C5orf34: variants seen among roughly 807,000 people sequenced by gnomAD.
C5orf34 encodes the protein chromosome 5 open reading frame 34, also known as uncharacterized protein C5orf34.
A neutral mutation model predicts 78.4 loss-of-function variants in C5orf34; 73 were observed. The observed-to-expected ratio is 0.93, with a 90% CI of 0.77 to 1.13. The LOEUF (loss-of-function observed/expected upper bound fraction) is 1.13, where lower values mean the gene tolerates loss of function less well. C5orf34 is among the 50% of genes most tolerant of loss of function. The probability of loss-of-function intolerance (pLI) is 0.00; values close to 1 mark genes in which losing one functional copy is unlikely to be tolerated. For synonymous variants in C5orf34, 251 were observed against 246.6 expected, an observed-to-expected ratio of 1.02 and a Z score of -0.17; for missense variants, 730 against 732.7, an observed-to-expected ratio of 1.00 and a Z score of 0.04.
In C5orf34 at chr5:43,493,222, T is replaced by A. The variant is rs536902871; in HGVS notation, c.1314+321A>T. ...TTCCTCCAAATCAGCATTAAGGAAT[T>A]TATTTTTACGGTTATGAAAATATAG... is the stretch of plus-strand genomic sequence containing the variant. On this transcript the variant is annotated intron_variant, in intron 8 of 12. Transcript: ENST00000306862. Among the ~76,000 whole-genome samples, 4 of 152,220 alleles carry A rather than the reference T, an allele frequency of 2.6e-5. No individual in the cohort carries two copies. The South Asian group carries it at 8.3e-4, about 32-fold the overall frequency.
intron 1 of C5orf34, chr5:43,510,996 G>T: frequency 4.7e-6 from 1 of 214,892 alleles, no homozygotes; most frequent in Non-Finnish European, 9.4e-6. Context: ...AGGAAGTGAG[G>T]AGCGTCTCTG....
chr5:43,490,728 A>G lies in C5orf34; in HGVS notation c.1582T>C (p.Tyr528His), dbSNP rs754319775. ...CACCATGATGTTACTGTTGTCACAT[A>G]TCTAAAGTGAATACATTAAAAGAAA... Reference protein sequence around the residue: ...QIEHPEPYERYVTTVTSWCRR... With the variant: ...QIEHPEPYERHVTTVTSWCRR... Residue 528 changes from tyrosine (Y) to histidine (H), a missense_variant and splice_region_variant, in exon 11 of 13, where the codon TAT becomes CAT. By Grantham distance (83) the Tyr-to-His change is moderately conservative. Coordinates refer to ENST00000306862, the MANE Select transcript of C5orf34 (RefSeq NM_198566.4). 10 of 1,518,244 alleles carry G rather than the reference A, an allele frequency of 6.6e-6. No individual in the cohort carries two copies. The South Asian group carries it at 1.0e-4, about 16-fold the overall frequency. 94.0% of individuals were successfully genotyped at this position (1,518,244 alleles called of 1,614,324 possible). A position where few individuals can be genotyped will look rare whatever the true frequency, so the allele number is the denominator to read the frequency against.
Position 43,491,740 on chromosome 5 carries a change from A to G in C5orf34, c.1580+475T>C, listed in dbSNP as rs1203935483. Reference sequence around the variant, plus strand: ...ACCTGAAGGCCGGGCATGGTGGCTCATGCCTGTAATCTCAGCACTTTGGGA... The same window carrying G: ...ACCTGAAGGCCGGGCATGGTGGCTCGTGCCTGTAATCTCAGCACTTTGGGA... On this transcript the variant is annotated intron_variant, in intron 10 of 12. Transcript: ENST00000306862. 3.3e-5 allele frequency among the ~76,000 whole-genome samples: 5 copies of G among 152,338 alleles called. No homozygotes were observed. In the East Asian group the frequency reaches 7.7e-4, roughly 24 times the overall value.
chr5:43,498,865 G>T (rs1170560424), intron 6 of C5orf34, among the ~76,000 whole-genome samples: 1 of 152,138 alleles, frequency 6.6e-6, no homozygotes, highest in African/African-American at 2.4e-5. Flanking sequence ...TAGTGATCTG[G>T]CTTCTTCTCT....
At position 43,515,016 on chromosome 5, in the gene C5orf34, T is replaced by G. The variant is rs1746427848; in HGVS notation, c.-247A>C. 1 of 152,070 alleles carries G rather than the reference T, an allele frequency of 6.6e-6. No homozygotes were observed. Among genetic ancestry groups the G allele is most frequent in the African/African-American group, 2.4e-5 (1 of 41,410 alleles). The allele number at this position is 152,070 out of a possible 1,614,324, so 9.4% of individuals were successfully genotyped here. On this transcript the variant is annotated 5_prime_UTR_variant, in exon 1 of 13. Coordinates refer to ENST00000306862, the MANE Select transcript of C5orf34 (RefSeq NM_198566.4). ...GAGGAATAAGGTGGCAGGGAGAGTG[T>G]TTTGGCCAAGATGCCCGCCACGAAA...
chr5:43,498,573 TC>T (rs1745638128), intron 6 of C5orf34, among the ~76,000 whole-genome samples: 1 of 152,196 alleles, frequency 6.6e-6, no homozygotes. Context: ...TAATTTGGCA[TC>T]CCTTTCAACT....
chr5:43,509,494 A>G, intron 1 of C5orf34, 119 bp from the exon 2 acceptor site: 3 of 585,570 alleles, frequency 5.1e-6, no homozygotes, highest in Non-Finnish European at 8.7e-6. Context: ...ACTTTTGTTA[A>G]GAATACTAAC....
At chr5:43,501,388 A>C (rs1745753692) in intron 6 of C5orf34, among the ~76,000 whole-genome samples, 1 of 152,082 alleles carries the variant, frequency 6.6e-6, no homozygotes, top group Admixed American at 6.6e-5. Flanking sequence ...ACTCTTCTTC[A>C]TCTTCATCCT....
chr5:43,502,601 A>C, intron 5 of C5orf34, 106 bp from the exon 6 acceptor site: 1 of 695,250 alleles, frequency 1.4e-6, no homozygotes, highest in Non-Finnish European at 2.5e-6. Context: ...GCAAAACAAC[A>C]CAGTCTTTTT....
intron 11 of C5orf34, among the ~76,000 whole-genome samples, chr5:43,489,903 C>T (rs1213786868): frequency 6.6e-6 from 1 of 152,046 alleles, no homozygotes; most frequent in African/African-American, 2.4e-5. Flanking sequence ...CTTCTAATGA[C>T]CTTTCTTCCT....
intron 4 of C5orf34, among the ~76,000 whole-genome samples, chr5:43,504,871 T>A (rs1745913672): frequency 6.6e-6 from 1 of 152,248 alleles, no homozygotes; most frequent in Non-Finnish European, 1.5e-5. Context: ...AACCAGATAA[T>A]CATGACAAGC....
intron 4 of C5orf34, chr5:43,505,437 C>T (rs1745939215): frequency 3.9e-6 from 1 of 255,304 alleles, no homozygotes; most frequent in Non-Finnish European, 7.4e-6. Flanking sequence ...CTTTAATAAT[C>T]TTTTTAGGTA....
intron 4 of C5orf34, among the ~76,000 whole-genome samples, chr5:43,504,264 G>A (rs189888808): frequency 0.012 from 1,841 of 149,936 alleles, 40 homozygotes; most frequent in African/African-American, 0.044. Flanking sequence ...CTGAGATCGC[G>A]CCAGCCTGGG....
rs1226626728 is a variant in C5orf34 at position 43,486,845 on chromosome 5, A to G, written c.*70T>C. 1.4e-5 allele frequency: 12 copies of G among 874,094 alleles called. No individual in the cohort carries two copies. Among genetic ancestry groups the G allele is most frequent in the Admixed American group, 9.8e-5 (3 of 30,474 alleles). 54.1% of individuals were successfully genotyped at this position (874,094 alleles called of 1,614,324 possible). A position where few individuals can be genotyped will look rare whatever the true frequency, so the allele number is the denominator to read the frequency against. Reference sequence around the variant, plus strand: ...AATACGTACAATATCTTGGCTTACTAGTAATTTTATACCAGTCACTTGAAA... The same window carrying G: ...AATACGTACAATATCTTGGCTTACTGGTAATTTTATACCAGTCACTTGAAA... On this transcript the variant is annotated 3_prime_UTR_variant, in exon 13 of 13. Transcript: ENST00000306862.
At position 43,502,470 on chromosome 5, in the gene C5orf34, T is replaced by C. The variant is rs780943767; in HGVS notation, c.1054A>G (p.Ile352Val). 3.8e-6 allele frequency: 6 copies of C among 1,574,872 alleles called. 1 individual carries two copies. Among genetic ancestry groups the C allele is most frequent in the South Asian group, 3.4e-5 (3 of 87,252 alleles). ...YRLTHQNMNS[I>V]EIYSGDGSVF... ...GATCCATCCCCAGAATAAATCTCTA[T>C]TGAGTTCATATTTTGATGGGTAAGT... is the stretch of plus-strand genomic sequence containing the variant. Residue 352 changes from isoleucine (I) to valine (V), a missense_variant, in exon 6 of 13, where the codon ATA becomes GTA. Coordinates refer to ENST00000306862, the MANE Select transcript of C5orf34 (RefSeq NM_198566.4).
rs150425555 is a variant in C5orf34 at position 43,509,913 on chromosome 5, G to A, written c.-36-538C>T. On this transcript the variant is annotated intron_variant, in intron 1 of 12. Transcript: ENST00000306862. Reference sequence around the variant, plus strand: ...TGGGATTACAGGTGTGTGCCACCATGCCTGGCTAATTTTTGTAATTTAGTA... The same window carrying A: ...TGGGATTACAGGTGTGTGCCACCATACCTGGCTAATTTTTGTAATTTAGTA... 8.2e-4 allele frequency among the ~76,000 whole-genome samples: 124 copies of A among 152,012 alleles called. 1 individual carries two copies. In the East Asian group the frequency reaches 0.019, roughly 23 times the overall value.
chr5:43,490,368 A>G (rs896868955), intron 11 of C5orf34: 3 of 250,704 alleles, frequency 1.2e-5, no homozygotes, highest in Non-Finnish European at 2.3e-5. Context: ...TCACATAAAA[A>G]GAGCCACTCA....
rs192286240 is a variant in C5orf34, at chr5:43,507,246, G to A, written c.286-852C>T. Among the ~76,000 whole-genome samples, 275 of 152,326 alleles carry A rather than the reference G, an allele frequency of 1.8e-3. 1 individual carries two copies. Among genetic ancestry groups the A allele is most frequent in the Middle Eastern group, 0.01 (3 of 294 alleles). On this transcript the variant is annotated intron_variant, in intron 3 of 12. Transcript: ENST00000306862. Reference sequence around the variant, plus strand: ...ATAAGATATAAACAGTAGATATTGCGTGAGAGGTTTTTACTGAATTAATTT... The same window carrying A: ...ATAAGATATAAACAGTAGATATTGCATGAGAGGTTTTTACTGAATTAATTT...
At chr5:43,492,629 A>G (rs1745327944) in intron 9 of C5orf34, 91 bp downstream of exon 9, 1 of 1,113,624 alleles carries the variant, frequency 9.0e-7, no homozygotes, top group African/African-American at 1.6e-5. Context: ...ACTTCAAAAA[A>G]TGAACTGAAA....
Sources: allele counts gnomAD v4.1 joint callset (sites outside exome capture counted in the v4.1 genomes callset), GRCh38; gene constraint gnomAD v4.1.1; transcripts MANE v1.5; gene names NCBI Gene and HGNC (gene_info 2026-07-23, HGNC 2026-07-21).